DUS1L: variants seen among roughly 807,000 people sequenced by gnomAD.
The protein encoded by DUS1L is tRNA-dihydrouridine(16/17) synthase [NAD(P)(+)]-like.
Under a neutral mutation model 61.2 loss-of-function variants are expected in DUS1L, and 56 were observed. The observed-to-expected ratio is 0.92, with a 90% confidence interval of 0.74 to 1.14. The LOEUF is 1.14. DUS1L is among the 50% of genes most tolerant of loss of function. The pLI, the probability that DUS1L is intolerant of heterozygous loss-of-function variation, is 0.00. For missense variants in DUS1L, 630 were observed against 632.4 expected (o/e 1.00, Z 0.04); for synonymous variants, 278 against 259.5 (o/e 1.07, Z -0.69).
intron 10 of DUS1L, 119 bp downstream of exon 10, chr17:82,060,582 G>A: frequency 7.6e-7 from 1 of 1,312,260 alleles, no homozygotes; most frequent in Non-Finnish European, 1.0e-6. Context: ...CCTTTCCCTT[G>A]GGCAGGAGAT....
At chr17:82,059,271 G>GT in intron 11 of DUS1L, 1 of 86,612 alleles carries the variant, frequency 1.2e-5, no homozygotes, top group South Asian at 1.4e-4. Flanking sequence ...GTGGCCTGGT[G>GT]GGGGGCAGTG....
chr17:82,059,002 A>G (rs2033270586), intron 11 of DUS1L, 184 bp from the exon 12 acceptor site: 4 of 621,772 alleles, frequency 6.4e-6, no homozygotes, highest in African/African-American at 1.8e-5. Flanking sequence ...TCCGTGAGCA[A>G]TGGGTGAGGG....
rs150777513 is a variant in DUS1L, at chr17:82,060,757, C to T, written c.966G>A (p.Ala322=). Residue 322 remains alanine, a synonymous_variant, in exon 10 of 14, where the codon GCG becomes GCA. Transcript: ENST00000306796. ...CQEEISRQEG[A]KPTGDLPFHW... The stretch of plus-strand genomic sequence containing the variant: ...GGAAGGGCAAGTCGCCGGTGGGCTT[C>T]GCTCCCTCCTGCCTGGATATCTCCT... The T allele has an allele frequency of 8.0e-5, 129 of 1,612,574 alleles. No homozygotes were observed. The highest frequency in any genetic ancestry group is 7.3e-4 in the African/African-American group (55 of 74,900).
rs188481629 is a variant in DUS1L at position 82,063,371 on chromosome 17, C to T, written c.397+97G>A. 9.6e-5 allele frequency: 148 copies of T among 1,543,764 alleles called. No homozygotes were observed. The African/African-American group carries it at 1.5e-3, about 16-fold the overall frequency. ...GGGTGATGCTGAGAACTCCTGCCAA[C>T]GCCTGTCCTCTCCTGAGCCCCAACC... On this transcript the variant is annotated intron_variant, in intron 4 of 13. Transcript: ENST00000306796.
chr17:82,058,901 C>G (rs1039042486), intron 11 of DUS1L, 83 bp from the exon 12 acceptor site: 6 of 1,307,044 alleles, frequency 4.6e-6, no homozygotes, highest in African/African-American at 1.5e-5. Flanking sequence ...CTGCACGGAG[C>G]CTGCTGATGG....
At chr17:82,062,591 G>A (rs991964131) in intron 5 of DUS1L, among the ~76,000 whole-genome samples, 16 of 152,244 alleles carry the variant, frequency 1.1e-4, no homozygotes, top group Admixed American at 5.9e-4. Context: ...AGGCCCTGCC[G>A]GCCTCTGTGA....
chr17:82,058,297 G>T (rs368394562), intron 13 of DUS1L, 43 bp from the exon 14 acceptor site: 2 of 1,538,242 alleles, frequency 1.3e-6, no homozygotes, highest in African/African-American at 1.4e-5. Flanking sequence ...GGAGGCGGAG[G>T]GGGTCTGTTT....
rs1321798130 is a variant in DUS1L, at chr17:82,061,358, GGGA to G, written c.698-8_698-6del. On this transcript the variant is annotated splice_polypyrimidine_tract_variant and splice_region_variant and intron_variant, in intron 7 of 13. Coordinates refer to ENST00000306796, the MANE Select transcript of DUS1L (RefSeq NM_022156.5). ...CGGGGTTGTGCAGGTTGCCCTCTGT[GGGA>G]GGAGGAGCGGGGAAGGACACCTCGT... The G allele has an allele frequency of 6.4e-7, 1 of 1,566,036 alleles. No individual in the cohort carries two copies. Among genetic ancestry groups the G allele is most frequent in the South Asian group, 1.2e-5 (1 of 85,568 alleles).
Position 82,060,882 on chromosome 17 carries a change from G to A in DUS1L, c.922C>T (p.Leu308=). The A allele has an allele frequency of 1.2e-6, 2 of 1,611,982 alleles. No homozygotes were observed. The highest frequency in any genetic ancestry group is 1.7e-6 in the Non-Finnish European group (2 of 1,179,902). The change falls in exon 9 of 14, where the codon CTG becomes TTG. Residue 308 remains leucine (L), a synonymous_variant. Transcript: ENST00000306796. The part of the protein sequence containing the change: ...LEGIAAVSQE[L]KLRCQEEISR... ...GCACCTGCCTGACACCGCAGCTTCA[G>A]CTCCTGGCTCACAGCAGCGATGCCC...
chr17:82,060,582 G>C, intron 10 of DUS1L, 119 bp downstream of exon 10: 1 of 1,312,260 alleles, frequency 7.6e-7, no homozygotes, highest in Non-Finnish European at 1.0e-6. Flanking sequence ...CCTTTCCCTT[G>C]GGCAGGAGAT....
intron 12 of DUS1L, 155 bp downstream of exon 12, chr17:82,058,626 A>C: frequency 6.7e-7 from 1 of 1,500,548 alleles, no homozygotes; most frequent in Non-Finnish European, 8.9e-7. Flanking sequence ...GCTTGGCTGG[A>C]AGCAAGGGGC....
intron 11 of DUS1L, chr17:82,059,558 G>C (rs1185438563): frequency 4.0e-5 from 8 of 199,012 alleles, no homozygotes; most frequent in African/African-American, 1.4e-4. Context: ...CGTGCCTTTG[G>C]CCCAGCAACA....
In DUS1L at chr17:82,057,786, T is replaced by G; in HGVS notation, c.*329A>C. 1 of 244,158 alleles carries G rather than the reference T, an allele frequency of 4.1e-6. No homozygotes were observed. 15.1% of individuals were successfully genotyped at this position (244,158 alleles called of 1,614,324 possible). A position where few individuals can be genotyped will look rare whatever the true frequency, so the allele number is the denominator to read the frequency against. ...GCTGCCTTCATTTAGATGTATCCTG[T>G]TGTTCAGAAGCCCCCACTGGCCCCA... is the stretch of plus-strand genomic sequence containing the variant. On this transcript the variant is annotated 3_prime_UTR_variant, in exon 14 of 14. Coordinates refer to ENST00000306796, the MANE Select transcript of DUS1L (RefSeq NM_022156.5).
At chr17:82,064,393 G>A (rs2144749854) in intron 2 of DUS1L, 159 bp from the exon 3 acceptor site, 1 of 625,062 alleles carries the variant, frequency 1.6e-6, no homozygotes, top group Non-Finnish European at 2.8e-6. Flanking sequence ...GACAAAGCCG[G>A]GAGGAGTCCC....
chr17:82,061,543 T>G, intron 7 of DUS1L, 75 bp downstream of exon 7: 1 of 1,503,552 alleles, frequency 6.7e-7, no homozygotes, highest in East Asian at 2.3e-5. Flanking sequence ...CAGTAGGCAG[T>G]GGGAGGCACC....
rs2033578693 is a variant in DUS1L, at chr17:82,062,887, G to A, written c.484C>T (p.Gln162Ter). The A allele has an allele frequency of 6.2e-7, 1 of 1,612,850 alleles. No homozygotes were observed. Among genetic ancestry groups the A allele is most frequent in the Non-Finnish European group, 8.5e-7 (1 of 1,179,902 alleles). ...PEIDKTVRYAQMLEKAGCQLL... is the reference protein window; with the variant it reads ...PEIDKTVRYA The stretch of plus-strand genomic sequence containing the variant: ...TGGCAGCCGGCCTTCTCCAGCATCT[G>A]GGCGTACCTCACGGTCTTGTCAATC... Residue 162 changes from glutamine to a stop codon, truncating the protein, a stop_gained, in exon 5 of 14, where the codon CAG becomes TAG. Coordinates refer to ENST00000306796, the MANE Select transcript of DUS1L (RefSeq NM_022156.5). LOFTEE classifies it high-confidence loss of function.
Position 82,060,211 on chromosome 17 carries a change from TGA to T in DUS1L, c.1023-120_1023-119del. On this transcript the variant is annotated intron_variant, in intron 10 of 13. Coordinates refer to ENST00000306796, the MANE Select transcript of DUS1L (RefSeq NM_022156.5). ...GCGGCCGTGGCGAGTGCCGCTGCTGTGAGGAGTGCCCTCCTTTCCCTCGGGCA... is the reference window on the plus strand; with the variant it reads ...GCGGCCGTGGCGAGTGCCGCTGCTGTGGAGTGCCCTCCTTTCCCTCGGGCA... 4 of 1,212,734 alleles carry T rather than the reference TGA, an allele frequency of 3.3e-6. No individual in the cohort carries two copies. In the African/African-American group the frequency reaches 1.1e-4, roughly 33 times the overall value. 75.1% of individuals were successfully genotyped at this position (1,212,734 alleles called of 1,614,324 possible). A position where few individuals can be genotyped will look rare whatever the true frequency, so the allele number is the denominator to read the frequency against.
intron 12 of DUS1L, 46 bp downstream of exon 12, chr17:82,058,735 C>T (rs1452664590): frequency 3.7e-6 from 6 of 1,612,102 alleles, no homozygotes; most frequent in East Asian, 2.2e-5. Context: ...ACCCTGCCCA[C>T]CCCCAAAGCT....
chr17:82,064,292 C>T, intron 2 of DUS1L, 58 bp from the exon 3 acceptor site: 1 of 1,475,696 alleles, frequency 6.8e-7, no homozygotes, highest in Non-Finnish European at 9.3e-7. Context: ...CCTTGCTGCC[C>T]AGCCCTACGA....
Sources: gnomAD v4.1 joint callset for allele counts (sites outside exome capture counted in the v4.1 genomes callset) on GRCh38, gnomAD v4.1.1 for gene constraint, MANE v1.5 for transcripts, NCBI Gene and HGNC (gene_info 2026-07-23, HGNC 2026-07-21) for gene names.